The following P4HA1 variants were observed in gnomAD, a reference collection of about 807,000 sequenced individuals.
The protein encoded by P4HA1 is prolyl 4-hydroxylase subunit alpha-1.
P4HA1 carries 24 observed loss-of-function variants against 72.8 expected under a neutral mutation model. That is an observed-to-expected ratio of 0.33 (90% CI 0.24 to 0.46). The LOEUF is 0.46. P4HA1 is among the 20% of genes least tolerant of loss of function. The pLI is 1.00. For missense variants in P4HA1, 446 were observed against 640.6 expected, an observed-to-expected ratio of 0.70 and a Z score of 3.28; for synonymous variants, 201 against 218.8, an observed-to-expected ratio of 0.92 and a Z score of 0.72.
At chr10:73,039,763 T>G (rs1004033129) in intron 9 of P4HA1, among the ~76,000 whole-genome samples, 18 of 151,712 alleles carry the variant, frequency 1.2e-4, no homozygotes, top group Non-Finnish European at 4.4e-5. Context: ...CCTTTCTAAA[T>G]CATTCAAAAT....
chr10:73,095,737 CT>C (rs1044614240), intron 1 of P4HA1, among the ~76,000 whole-genome samples: 3 of 152,188 alleles, frequency 2.0e-5, no homozygotes, highest in African/African-American at 7.2e-5. Flanking sequence ...GAGGATCTAG[CT>C]GCTTCTTCAA....
rs1474117977 is a variant in P4HA1 at position 73,087,916 on chromosome 10, A to C, written c.-33+8850T>G. 7.3e-5 allele frequency among the ~76,000 whole-genome samples: 11 copies of C among 151,568 alleles called. No homozygotes were observed. In the South Asian group the frequency reaches 2.1e-3, roughly 29 times the overall value. The stretch of plus-strand genomic sequence containing the variant: ...AGAGCAGAATTTCTTAATTTTGATG[A>C]AGTCTAATTTATCAGTTTGTTCATT... On this transcript the variant is annotated intron_variant, in intron 1 of 14. Transcript: ENST00000394890.
intron 5 of P4HA1, among the ~76,000 whole-genome samples, chr10:73,062,708 A>G (rs959266874): frequency 6.6e-6 from 1 of 152,194 alleles, no homozygotes; most frequent in Non-Finnish European, 1.5e-5. Flanking sequence ...CTTAGCTATA[A>G]CCTATCCAAT....
rs201889939 is a variant in P4HA1 at position 73,022,941 on chromosome 10, GAGAAAAATGAGT to G, written c.1249-6054_1249-6043del. On this transcript the variant is annotated intron_variant, in intron 10 of 14. Transcript: ENST00000394890. ...GAAATAAAGCAAGAAGACAAGTTTA[GAGAAAAATGAGT>G]AGAAAGAAACAAATAAAGCCTCCAA... Among the ~76,000 whole-genome samples, 30 of 152,246 alleles carry G rather than the reference GAGAAAAATGAGT, an allele frequency of 2.0e-4. No individual in the cohort carries two copies. In the East Asian group the frequency reaches 5.0e-3, roughly 25 times the overall value.
chr10:73,029,978 G>A lies in P4HA1; in HGVS notation c.1248+293C>T, dbSNP rs552654592. ...ACCCTGGCCACTTGACAGGCAAAGTGAGGCCTGGGGGATAGAAAAAAAATT... is the reference window on the plus strand; with the variant it reads ...ACCCTGGCCACTTGACAGGCAAAGTAAGGCCTGGGGGATAGAAAAAAAATT... On this transcript the variant is annotated intron_variant, in intron 10 of 14. Coordinates refer to ENST00000394890, the MANE Select transcript of P4HA1 (RefSeq NM_001017962.3). 2.0e-5 allele frequency among the ~76,000 whole-genome samples: 3 copies of A among 152,312 alleles called. No individual in the cohort carries two copies. The East Asian group carries it at 5.8e-4, about 29-fold the overall frequency.
intron 10 of P4HA1, among the ~76,000 whole-genome samples, chr10:73,027,495 G>C (rs1170143904): frequency 6.6e-6 from 1 of 150,906 alleles, no homozygotes; most frequent in Non-Finnish European, 1.5e-5. Context: ...AATACCTAAT[G>C]TAAATGATGA....
intron 9 of P4HA1, among the ~76,000 whole-genome samples, chr10:73,039,522 C>T (rs373480297): frequency 1.1e-4 from 17 of 151,630 alleles, no homozygotes; most frequent in Admixed American, 2.6e-4. Context: ...TTAGCCAGAA[C>T]GGTCTCGATC....
intron 10 of P4HA1, among the ~76,000 whole-genome samples, chr10:73,020,392 T>C (rs1840106895): frequency 6.6e-6 from 1 of 151,908 alleles, no homozygotes. Context: ...AATTCTGAAA[T>C]TGAAATTCAA....
At chr10:73,017,178 T>C (rs913448197) in intron 10 of P4HA1, among the ~76,000 whole-genome samples, 1 of 135,628 alleles carries the variant, frequency 7.4e-6, no homozygotes, top group African/African-American at 3.5e-5. Context: ...GATGTATATA[T>C]AGATATCTAT....
chr10:73,064,490 G>C (rs1450380868), intron 5 of P4HA1, among the ~76,000 whole-genome samples: 2 of 116,358 alleles, frequency 1.7e-5, no homozygotes, highest in Non-Finnish European at 3.3e-5. Flanking sequence ...AAAAAATAAA[G>C]AAAATAAAGA....
Position 73,030,284 on chromosome 10 carries a change from G to T in P4HA1, c.1235C>A (p.Ala412Glu). The T allele has an allele frequency of 6.5e-7, 1 of 1,535,530 alleles. No individual in the cohort carries two copies. Among genetic ancestry groups the T allele is most frequent in the Non-Finnish European group, 8.9e-7 (1 of 1,123,608 alleles). ...GTGATTACCTACCTGTAATTCCTCT[G>T]CTGTGGAAACATCTAGTCCTGTTAG... ...QDLTGLDVST[A>E]EELQVANYGV... Residue 412 changes from alanine to glutamate, a missense_variant, in exon 10 of 15, where the codon GCA becomes GAA. Physicochemically the swap from Ala to Glu is moderately radical, Grantham distance 107. Coordinates refer to ENST00000394890, the MANE Select transcript of P4HA1 (RefSeq NM_001017962.3).
chr10:73,091,140 G>C (rs1842022178), intron 1 of P4HA1, among the ~76,000 whole-genome samples: 1 of 147,982 alleles, frequency 6.8e-6, no homozygotes, highest in South Asian at 2.1e-4. Context: ...TGTAACCTTT[G>C]ACTATGAATA....
chr10:73,043,446 A>C (rs1840783774), intron 9 of P4HA1, among the ~76,000 whole-genome samples: 1 of 152,238 alleles, frequency 6.6e-6, no homozygotes, highest in Admixed American at 6.5e-5. Context: ...ATAACCTAAT[A>C]AGATTATCTT....
At chr10:73,095,544 T>TA (rs1420812173) in intron 1 of P4HA1, among the ~76,000 whole-genome samples, 2 of 126,812 alleles carry the variant, frequency 1.6e-5, no homozygotes, top group Non-Finnish European at 3.4e-5. Context: ...AAAAAAAGAG[T>TA]AAAAAATTGA....
intron 7 of P4HA1, 45 bp downstream of exon 7, chr10:73,051,008 T>C (rs1841006264): frequency 7.4e-7 from 1 of 1,345,218 alleles, no homozygotes; most frequent in South Asian, 1.2e-5. Flanking sequence ...TACAAACACA[T>C]ACACACACAC....
chr10:73,087,681 G>A (rs540206921), intron 1 of P4HA1, among the ~76,000 whole-genome samples: 9 of 151,850 alleles, frequency 5.9e-5, no homozygotes, highest in African/African-American at 2.2e-4. Flanking sequence ...ATAGAGATGG[G>A]GTCTTGCTAT....
At chr10:73,089,215 G>C (rs1841978419) in intron 1 of P4HA1, among the ~76,000 whole-genome samples, 1 of 152,148 alleles carries the variant, frequency 6.6e-6, no homozygotes, top group Non-Finnish European at 1.5e-5. Flanking sequence ...GTGCTAATGA[G>C]ATGGGAATTT....
intron 7 of P4HA1, among the ~76,000 whole-genome samples, chr10:73,049,318 G>A (rs1030849910): frequency 2.0e-5 from 3 of 152,132 alleles, no homozygotes; most frequent in Non-Finnish European, 2.9e-5. Flanking sequence ...TTTACCAGTA[G>A]TAAAGAAAAT....
chr10:73,061,509 G>A (rs535226098), intron 5 of P4HA1, among the ~76,000 whole-genome samples: 6 of 152,266 alleles, frequency 3.9e-5, no homozygotes, highest in Non-Finnish European at 8.8e-5. Flanking sequence ...ACAACTTTGA[G>A]ATCACCAGAG....
Sources: allele counts gnomAD v4.1 joint callset (sites outside exome capture counted in the v4.1 genomes callset), GRCh38; gene constraint gnomAD v4.1.1; transcripts MANE v1.5; gene names NCBI Gene and HGNC (gene_info 2026-07-23, HGNC 2026-07-21).